PON3: variants seen among roughly 807,000 people sequenced by gnomAD.
The protein encoded by PON3 is serum paraoxonase/lactonase 3.
In PON3, 37 loss-of-function variants were observed where a neutral mutation model predicts 36.3. The ratio of observed to expected loss-of-function variants is 1.02; its 90% CI spans 0.78 to 1.34. The LOEUF (loss-of-function observed/expected upper bound fraction) is 1.34, where lower values mean the gene tolerates loss of function less well. PON3 is among the 40% of genes most tolerant of loss of function. The pLI, the probability that PON3 is intolerant of heterozygous loss-of-function variation, is 0.00. For synonymous variants in PON3, 155 were observed against 154.8 expected, an observed-to-expected ratio of 1.00 and a Z score of -0.01; for missense variants, 415 against 426.5, an observed-to-expected ratio of 0.97 and a Z score of 0.24.
chr7:95,396,325 A>G lies in PON3; in HGVS notation c.26T>C (p.Leu9Pro). MGKLVALV[L>P]LGVGLSLVGE... ...GACTAAGGACAGGCCGACCCCCAGCAGGACCAGCGCCACGAGCTTCCCCAT... is the reference window on the plus strand; with the variant it reads ...GACTAAGGACAGGCCGACCCCCAGCGGGACCAGCGCCACGAGCTTCCCCAT... The change falls in exon 1 of 9, where the codon CTG becomes CCG. Residue 9 changes from leucine to proline, a missense_variant. By Grantham distance (98) the Leu-to-Pro change is moderately conservative. Coordinates refer to ENST00000265627, the MANE Select transcript of PON3 (RefSeq NM_000940.3). The G allele has an allele frequency of 1.2e-6, 2 of 1,613,976 alleles. No homozygotes were observed. The highest frequency in any genetic ancestry group is 1.7e-6 in the Non-Finnish European group (2 of 1,179,950).
At chr7:95,384,913 T>C (rs924902980) in intron 3 of PON3, among the ~76,000 whole-genome samples, 9 of 152,198 alleles carry the variant, frequency 5.9e-5, no homozygotes, top group African/African-American at 1.9e-4. Flanking sequence ...CGTATGTTTA[T>C]TGCGGCACTA....
chr7:95,368,027 C>T (rs1005803207), intron 4 of PON3, among the ~76,000 whole-genome samples: 12 of 152,264 alleles, frequency 7.9e-5, no homozygotes, highest in African/African-American at 2.2e-4. Flanking sequence ...GCTCAATGGA[C>T]ATGGCATGTA....
In PON3 at chr7:95,364,028, A is replaced by T; in HGVS notation, c.530T>A (p.Phe177Tyr). 3 of 1,613,886 alleles carry T rather than the reference A, an allele frequency of 1.9e-6. No individual in the cohort carries two copies. The highest frequency in any genetic ancestry group is 2.5e-6 in the Non-Finnish European group (3 of 1,179,816). ...NDIVVLGPEQFYATRDHYFTN... is the reference protein window; with the variant it reads ...NDIVVLGPEQYYATRDHYFTN... ...AAAATAGTGGTCTCTGGTGGCATAGAACTGTTCTGGTCCAAGAACCACAAT... is the reference window on the plus strand; with the variant it reads ...AAAATAGTGGTCTCTGGTGGCATAGTACTGTTCTGGTCCAAGAACCACAAT... The change falls in exon 6 of 9, where the codon TTC becomes TAC. Residue 177 changes from phenylalanine to tyrosine, a missense_variant. Physicochemically the swap from Phe to Tyr is conservative, Grantham distance 22 (BLOSUM62 3). Transcript: ENST00000265627.
intron 4 of PON3, among the ~76,000 whole-genome samples, chr7:95,370,571 A>C (rs1244025676): frequency 1.3e-5 from 2 of 152,258 alleles, no homozygotes; most frequent in South Asian, 4.1e-4. Flanking sequence ...ATAAAAGTGT[A>C]TATAAGATTT....
At chr7:95,373,720 C>T (rs1808857471) in intron 3 of PON3, among the ~76,000 whole-genome samples, 1 of 152,196 alleles carries the variant, frequency 6.6e-6, no homozygotes, top group Non-Finnish European at 1.5e-5. Context: ...TTCAGCCAGA[C>T]ATTTAGTACT....
intron 8 of PON3, among the ~76,000 whole-genome samples, chr7:95,361,574 C>T (rs750440120): frequency 6.6e-5 from 10 of 152,060 alleles, no homozygotes; most frequent in Non-Finnish European, 1.3e-4. Context: ...ATGTAATTTA[C>T]TTATTTCTTA....
chr7:95,387,560 G>A (rs1025586394), intron 3 of PON3, among the ~76,000 whole-genome samples: 2 of 152,060 alleles, frequency 1.3e-5, no homozygotes, highest in Admixed American at 6.6e-5. Flanking sequence ...TACTGCCCAC[G>A]GTAATTTATA....
rs994283430 is a variant in PON3 at position 95,386,937 on chromosome 7, C to G, written c.201+3217G>C. Among the ~76,000 whole-genome samples the G allele has an allele frequency of 2.0e-4, 30 of 152,148 alleles. No individual in the cohort carries two copies. In the East Asian group the frequency reaches 4.8e-3, roughly 25 times the overall value. The stretch of plus-strand genomic sequence containing the variant: ...AAGGCCTTCGACAAAATTCAACAGC[C>G]CTTCATGCTAAAAACTCTCAATAAA... On this transcript the variant is annotated intron_variant, in intron 3 of 8. Transcript: ENST00000265627.
chr7:95,368,113 A>G (rs17881614), intron 4 of PON3, among the ~76,000 whole-genome samples: 3 of 152,196 alleles, frequency 2.0e-5, no homozygotes, highest in South Asian at 2.1e-4. Context: ...ACCCATTTCA[A>G]TTGGAATGTG....
At position 95,394,730 on chromosome 7, in the gene PON3, C is replaced by A. The variant is rs751323700; in HGVS notation, c.75-16G>T. The A allele has an allele frequency of 1.6e-5, 26 of 1,612,260 alleles. No homozygotes were observed. The highest frequency in any genetic ancestry group is 2.0e-5 in the Non-Finnish European group (24 of 1,178,340). On this transcript the variant is annotated splice_polypyrimidine_tract_variant and intron_variant, in intron 1 of 8. Transcript: ENST00000265627. ...CACCCTTTCTCTGTAGAAGATAAAA[C>A]CCAACCCTGGAAGTCAAGGCACAGC...
rs554455468 is a variant in PON3, at chr7:95,372,442, A to C, written c.202-104T>G. The C allele has an allele frequency of 6.1e-6, 8 of 1,304,270 alleles. No individual in the cohort carries two copies. The Admixed American group carries it at 1.6e-4, about 27-fold the overall frequency. The allele number at this position is 1,304,270 out of a possible 1,614,324, so 80.8% of individuals were successfully genotyped here. On this transcript the variant is annotated intron_variant, in intron 3 of 8. Coordinates refer to ENST00000265627, the MANE Select transcript of PON3 (RefSeq NM_000940.3). The stretch of plus-strand genomic sequence containing the variant: ...CCAAATAAAAATGTTCAAAGTTCTA[A>C]ATTTCATTTAGATTACTGGGCTTTT...
chr7:95,362,801 T>C lies in PON3; in HGVS notation c.736A>G (p.Ile246Val). The C allele has an allele frequency of 3.7e-6, 6 of 1,612,360 alleles. No individual in the cohort carries two copies. The highest frequency in any genetic ancestry group is 5.1e-6 in the Non-Finnish European group (6 of 1,178,500). The change falls in exon 7 of 9, where the codon ATA becomes GTA. Residue 246 changes from isoleucine (I) to valine (V), a missense_variant. Physicochemically the swap from Ile to Val is conservative, Grantham distance 29. Transcript: ENST00000265627. ...VADVAAKNIHIMEKHDNWDLT... is the reference protein window; with the variant it reads ...VADVAAKNIHVMEKHDNWDLT... ...TCCCAGTTATCATGTTTTTCCATTA[T>C]GTGAATGTTCTTAGCTGCTACATCA...
chr7:95,386,060 C>T (rs1012019278), intron 3 of PON3, among the ~76,000 whole-genome samples: 12 of 151,946 alleles, frequency 7.9e-5, no homozygotes, highest in Admixed American at 2.0e-4. Context: ...TGGTTATTCA[C>T]GATTAAAAGA....
chr7:95,374,837 C>T (rs1212950027), intron 3 of PON3, among the ~76,000 whole-genome samples: 3 of 152,128 alleles, frequency 2.0e-5, no homozygotes, highest in African/African-American at 7.2e-5. Context: ...TGCTCCTCTT[C>T]CTGACTCTTG....
intron 4 of PON3, 56 bp downstream of exon 4, chr7:95,372,117 A>G: frequency 6.5e-7 from 1 of 1,545,178 alleles, no homozygotes; most frequent in Non-Finnish European, 8.9e-7. Context: ...GGGGCTGGAG[A>G]TAAATGGTTT....
chr7:95,382,681 T>C (rs938305847), intron 3 of PON3, among the ~76,000 whole-genome samples: 2 of 152,186 alleles, frequency 1.3e-5, no homozygotes, highest in East Asian at 3.9e-4. Context: ...AATAGACCAA[T>C]AACAGGCTCT....
At chr7:95,380,294 C>T (rs929855856) in intron 3 of PON3, among the ~76,000 whole-genome samples, 2 of 152,178 alleles carry the variant, frequency 1.3e-5, no homozygotes, top group African/African-American at 4.8e-5. Flanking sequence ...AATCAGAGCA[C>T]CTCTCCTCCT....
At chr7:95,363,014 C>T (rs1808611297) in intron 6 of PON3, among the ~76,000 whole-genome samples, 173 bp from the exon 7 acceptor site, 1 of 151,978 alleles carries the variant, frequency 6.6e-6, no homozygotes, top group Non-Finnish European at 1.5e-5. Context: ...TCTTGAAGTG[C>T]TTTAAACAGG....
At chr7:95,373,279 G>T (rs1348220220) in intron 3 of PON3, among the ~76,000 whole-genome samples, 1 of 151,748 alleles carries the variant, frequency 6.6e-6, no homozygotes, top group Admixed American at 6.6e-5. Context: ...CTACACACAC[G>T]TACACATACA....
Sources: gnomAD v4.1 joint callset for allele counts (sites outside exome capture counted in the v4.1 genomes callset) on GRCh38, gnomAD v4.1.1 for gene constraint, MANE v1.5 for transcripts, NCBI Gene and HGNC (gene_info 2026-07-23, HGNC 2026-07-21) for gene names.